The following SPSB4 variants were observed in gnomAD, a reference collection of about 807,000 sequenced individuals.
The protein encoded by SPSB4 is SPRY domain-containing SOCS box protein 4.
A neutral mutation model predicts 20.9 loss-of-function variants in SPSB4; 21 were observed. The observed-to-expected ratio is 1.01, with a 90% CI of 0.71 to 1.45. SPSB4 has a LOEUF of 1.45. SPSB4 is among the 40% of genes most tolerant of loss of function. SPSB4 has a pLI of 0.00. For missense variants in SPSB4, 399 were observed against 399.2 expected (o/e 1.00, Z 0.00); for synonymous variants, 207 against 183.8 (o/e 1.13, Z -1.02).
At chr3:141,136,159 T>C (rs62283603) in intron 2 of SPSB4, among the ~76,000 whole-genome samples, 1 of 152,166 alleles carries the variant, frequency 6.6e-6, no homozygotes, top group Non-Finnish European at 1.5e-5. Flanking sequence ...AAGGGTCTGT[T>C]CATATCCTTT....
chr3:141,100,163 C>T (rs779932562), intron 2 of SPSB4, among the ~76,000 whole-genome samples: 3 of 152,216 alleles, frequency 2.0e-5, no homozygotes, highest in African/African-American at 7.2e-5. Flanking sequence ...CCTGGCAGCT[C>T]TTATCTTCTC....
At chr3:141,053,273 A>T (rs2107772674) in intron 1 of SPSB4, among the ~76,000 whole-genome samples, 2 of 149,798 alleles carry the variant, frequency 1.3e-5, no homozygotes, top group South Asian at 4.3e-4. Flanking sequence ...AAAATGTGTA[A>T]AAGCATGATA....
At position 141,132,237 on chromosome 3, in the gene SPSB4, G is replaced by A. The variant is rs112993214; in HGVS notation, c.695-14905G>A. On this transcript the variant is annotated intron_variant, in intron 2 of 2. Coordinates refer to ENST00000310546, the MANE Select transcript of SPSB4 (RefSeq NM_080862.3). The stretch of plus-strand genomic sequence containing the variant: ...GGCCAAAGTGCAGTGGCACGATCTC[G>A]GCTCACTGCAACCTCCGCCTCCCGG... 7.8e-3 allele frequency: 3,270 copies of A among 418,854 alleles called. 99 individuals are homozygous for A. Among genetic ancestry groups the A allele is most frequent in the African/African-American group, 0.064 (2,954 of 45,826 alleles). 25.9% of individuals were successfully genotyped at this position (418,854 alleles called of 1,614,324 possible). A position where few individuals can be genotyped will look rare whatever the true frequency, so the allele number is the denominator to read the frequency against.
intron 2 of SPSB4, among the ~76,000 whole-genome samples, chr3:141,141,930 C>G (rs1176271397): frequency 6.6e-6 from 1 of 152,068 alleles, no homozygotes; most frequent in Non-Finnish European, 1.5e-5. Context: ...TTTGGATCTT[C>G]TCTTGTCTTT....
intron 2 of SPSB4, among the ~76,000 whole-genome samples, chr3:141,107,877 C>T (rs537120166): frequency 2.6e-5 from 4 of 151,994 alleles, no homozygotes; most frequent in East Asian, 1.9e-4. Flanking sequence ...ATCACTTGAA[C>T]GCAGGAGGTG....
intron 2 of SPSB4, among the ~76,000 whole-genome samples, chr3:141,070,150 A>G (rs1422421387): frequency 6.6e-6 from 1 of 152,192 alleles, no homozygotes; most frequent in Non-Finnish European, 1.5e-5. Flanking sequence ...ACTGAGAAGT[A>G]TGGAGCCAAG....
At chr3:141,128,905 G>T (rs954222556) in intron 2 of SPSB4, among the ~76,000 whole-genome samples, 19 of 152,200 alleles carry the variant, frequency 1.2e-4, no homozygotes, top group African/African-American at 4.6e-4. Flanking sequence ...CTGGAGGTGG[G>T]TACCATCCTG....
intron 2 of SPSB4, among the ~76,000 whole-genome samples, chr3:141,103,517 T>C (rs959892917): frequency 1.3e-5 from 2 of 152,204 alleles, no homozygotes; most frequent in Non-Finnish European, 2.9e-5. Flanking sequence ...AATCAGCTTC[T>C]GTCCTGAAGT....
chr3:141,118,563 C>T (rs1397693365), intron 2 of SPSB4, among the ~76,000 whole-genome samples: 1 of 152,198 alleles, frequency 6.6e-6, no homozygotes, highest in East Asian at 1.9e-4. Flanking sequence ...GAAGTCTTTG[C>T]TCATGCCTAT....
chr3:141,122,705 C>T (rs916828890), intron 2 of SPSB4, among the ~76,000 whole-genome samples: 8 of 152,212 alleles, frequency 5.3e-5, no homozygotes, highest in Non-Finnish European at 1.2e-4. Flanking sequence ...CAGACTGCTA[C>T]GGTAGCAGTG....
chr3:141,057,581 C>G (rs1339936804), intron 1 of SPSB4, among the ~76,000 whole-genome samples: 1 of 152,178 alleles, frequency 6.6e-6, no homozygotes, highest in Non-Finnish European at 1.5e-5. Flanking sequence ...GACACCCGGC[C>G]CCTGCTCCCA....
chr3:141,095,519 C>T (rs2107793653), intron 2 of SPSB4, among the ~76,000 whole-genome samples: 1 of 152,170 alleles, frequency 6.6e-6, no homozygotes, highest in Non-Finnish European at 1.5e-5. Context: ...ATCCTAATGT[C>T]ATCTGGCTCT....
At chr3:141,071,124 C>T (rs1937994222) in intron 2 of SPSB4, among the ~76,000 whole-genome samples, 1 of 152,244 alleles carries the variant, frequency 6.6e-6, no homozygotes, top group African/African-American at 2.4e-5. Flanking sequence ...ATGGATCAGG[C>T]ATGCTTGATC....
chr3:141,084,322 C>A (rs573516399), intron 2 of SPSB4, among the ~76,000 whole-genome samples: 18 of 152,288 alleles, frequency 1.2e-4, no homozygotes, highest in African/African-American at 4.3e-4. Flanking sequence ...CCACCTCCCC[C>A]ACACCCCTCT....
At chr3:141,071,420 T>C (rs574171062) in intron 2 of SPSB4, among the ~76,000 whole-genome samples, 1 of 152,164 alleles carries the variant, frequency 6.6e-6, no homozygotes, top group East Asian at 1.9e-4. Flanking sequence ...TTTGGGGGCA[T>C]TGATGACACT....
chr3:141,147,065 G>A (rs954731737), intron 2 of SPSB4, 77 bp from the exon 3 acceptor site: 100 of 1,584,940 alleles, frequency 6.3e-5, no homozygotes, highest in African/African-American at 2.6e-4. Context: ...GGCAGGAGGC[G>A]GTATGCAGTG....
intron 2 of SPSB4, among the ~76,000 whole-genome samples, chr3:141,081,243 C>T (rs183815968): frequency 5.2e-4 from 79 of 152,324 alleles, no homozygotes; most frequent in African/African-American, 1.9e-3. Context: ...TTGTGCTAGC[C>T]GCATCCAAAT....
chr3:141,086,800 T>A (rs1202285730), intron 2 of SPSB4, among the ~76,000 whole-genome samples: 1 of 152,244 alleles, frequency 6.6e-6, no homozygotes, highest in Non-Finnish European at 1.5e-5. Flanking sequence ...ACTTTATATG[T>A]GTCACCTCTT....
At chr3:141,096,267 C>T (rs1938546593) in intron 2 of SPSB4, among the ~76,000 whole-genome samples, 1 of 152,156 alleles carries the variant, frequency 6.6e-6, no homozygotes, top group South Asian at 2.1e-4. Context: ...AGTTTAGTGA[C>T]CAAAGGAGGT....
Sources: allele counts gnomAD v4.1 joint callset (sites outside exome capture counted in the v4.1 genomes callset), GRCh38; gene constraint gnomAD v4.1.1; transcripts MANE v1.5; gene names NCBI Gene and HGNC (gene_info 2026-07-23, HGNC 2026-07-21).